Variants in CEPT1 observed in about 807,000 individuals in gnomAD.
The protein encoded by CEPT1 is choline/ethanolamine phosphotransferase 1.
CEPT1 carries 7 observed loss-of-function variants against 42.6 expected under a neutral mutation model. The observed-to-expected ratio is 0.16, with a 90% CI of 0.09 to 0.31. The LOEUF (loss-of-function observed/expected upper bound fraction) is 0.31. CEPT1 is among the 10% of genes least tolerant of loss of function. The pLI is 1.00. For synonymous variants in CEPT1, 171 were observed against 171.9 expected (o/e 0.99, Z 0.04); for missense variants, 306 against 502.1 (o/e 0.61, Z 3.73).
chr1:111,163,375 A>G (rs1489577729), intron 4 of CEPT1, among the ~76,000 whole-genome samples: 1 of 152,228 alleles, frequency 6.6e-6, no homozygotes, highest in East Asian at 1.9e-4. Flanking sequence ...TATGCCTTTA[A>G]TTCCAGCATT....
intron 4 of CEPT1, among the ~76,000 whole-genome samples, chr1:111,174,625 A>G (rs909142616): frequency 8.6e-5 from 13 of 151,750 alleles, no homozygotes; most frequent in Non-Finnish European, 1.8e-4. Context: ...CCCAACTTCA[A>G]TGAGTCAGAA....
chr1:111,147,697 TA>T lies in CEPT1; in HGVS notation c.-9del, dbSNP rs529661950. 155 of 1,525,330 alleles carry T rather than the reference TA, an allele frequency of 1.0e-4. No individual in the cohort carries two copies. The African/African-American group carries it at 1.1e-3, about 10-fold the overall frequency. 94.5% of individuals were successfully genotyped at this position (1,525,330 alleles called of 1,614,324 possible). On this transcript the variant is annotated 5_prime_UTR_variant, in exon 2 of 9. Transcript: ENST00000357172. ...AAGGGAAATTACTGTCTTTAAATAT[TA>T]AAAAAAAACAAGATCCATGAGTGGG...
chr1:111,164,773 G>T (rs573632813), intron 4 of CEPT1, among the ~76,000 whole-genome samples: 4 of 151,586 alleles, frequency 2.6e-5, no homozygotes, highest in Non-Finnish European at 5.9e-5. Context: ...GGTGCGTGCT[G>T]CCACCATGCC....
intron 5 of CEPT1, among the ~76,000 whole-genome samples, chr1:111,177,719 CT>C (rs1656754600): frequency 6.6e-6 from 1 of 151,930 alleles, no homozygotes; most frequent in African/African-American, 2.4e-5. Context: ...TATAAACATC[CT>C]TTTTAAATTA....
chr1:111,165,075 A>C (rs1236486650), intron 4 of CEPT1, among the ~76,000 whole-genome samples: 1 of 99,678 alleles, frequency 1.0e-5, no homozygotes, highest in Non-Finnish European at 1.8e-5. Flanking sequence ...TTTGAGACGG[A>C]GTCTCACTGT....
chr1:111,151,120 TTTTG>T (rs1480905590), intron 2 of CEPT1, among the ~76,000 whole-genome samples: 3 of 147,906 alleles, frequency 2.0e-5, no homozygotes, highest in East Asian at 3.9e-4. Flanking sequence ...GCTTGTTTTT[TTTTG>T]TTTGTTTTTT....
intron 1 of CEPT1, among the ~76,000 whole-genome samples, chr1:111,142,133 T>G (rs1190764024): frequency 6.6e-6 from 1 of 152,186 alleles, no homozygotes; most frequent in Non-Finnish European, 1.5e-5. Context: ...CATATGCCAT[T>G]ATCCTCAGCT....
At chr1:111,165,362 TAAA>T (rs903788600) in intron 4 of CEPT1, among the ~76,000 whole-genome samples, 1 of 145,834 alleles carries the variant, frequency 6.9e-6, no homozygotes, top group South Asian at 2.2e-4. Context: ...ACATCGGTCT[TAAA>T]AAAAAAAAAA....
intron 1 of CEPT1, among the ~76,000 whole-genome samples, chr1:111,147,015 T>G (rs1300871858): frequency 1.3e-5 from 2 of 152,218 alleles, no homozygotes; most frequent in African/African-American, 4.8e-5. Flanking sequence ...CTGTGTTTGT[T>G]TGAATGCTAC....
At chr1:111,180,437 C>A (rs186584346) in intron 5 of CEPT1, 1 of 152,236 alleles carries the variant, frequency 6.6e-6, no homozygotes, top group East Asian at 1.9e-4. Flanking sequence ...TCAAAGCAAC[C>A]ATGGTGTTGA....
chr1:111,175,677 TA>T (rs1656641176), intron 5 of CEPT1, among the ~76,000 whole-genome samples: 1 of 152,206 alleles, frequency 6.6e-6, no homozygotes, highest in Non-Finnish European at 1.5e-5. Context: ...AAAGTTATTT[TA>T]TGCATTAAAG....
At chr1:111,151,151 A>G (rs868782325) in intron 2 of CEPT1, among the ~76,000 whole-genome samples, 68 of 134,046 alleles carry the variant, frequency 5.1e-4, no homozygotes, top group African/African-American at 1.7e-3. Flanking sequence ...TTTGAGACGG[A>G]GTCTCGCTCT....
intron 5 of CEPT1, chr1:111,179,009 C>T (rs1656839307): frequency 6.6e-6 from 1 of 152,162 alleles, no homozygotes; most frequent in Admixed American, 6.5e-5. Context: ...AACAGGCATT[C>T]CCACATTCTT....
intron 1 of CEPT1, among the ~76,000 whole-genome samples, chr1:111,142,187 G>A (rs1028063154): frequency 3.3e-5 from 5 of 151,988 alleles, no homozygotes; most frequent in Non-Finnish European, 7.4e-5. Flanking sequence ...TTTTAGTAAA[G>A]GTATTAATTA....
chr1:111,182,737 C>T, intron 6 of CEPT1, 62 bp from the exon 7 acceptor site: 1 of 1,431,264 alleles, frequency 7.0e-7, no homozygotes, highest in Non-Finnish European at 9.5e-7. Flanking sequence ...TGTTCTGCAG[C>T]AGATCCATGT....
intron 2 of CEPT1, among the ~76,000 whole-genome samples, chr1:111,154,750 A>T (rs548641040): frequency 1.3e-5 from 2 of 152,176 alleles, no homozygotes; most frequent in African/African-American, 4.8e-5. Flanking sequence ...TGATCATAGG[A>T]TCTTAGTTCT....
chr1:111,139,686 CGA>C (rs1217915098), upstream of CEPT1: 2 of 152,326 alleles, frequency 1.3e-5, no homozygotes, highest in South Asian at 2.1e-4. Context: ...GGAAAAGACG[CGA>C]GAGACGGAAC....
At chr1:111,139,969 G>A (rs944199952), upstream of CEPT1, 1 of 152,436 alleles carries the variant, frequency 6.6e-6, no homozygotes, top group African/African-American at 2.4e-5. Context: ...CCCACCCTCT[G>A]ACGCACCCTT....
At position 111,148,065 on chromosome 1, in the gene CEPT1, T is replaced by C; in HGVS notation, c.339+12T>C. 2 of 1,599,138 alleles carry C rather than the reference T, an allele frequency of 1.3e-6. No individual in the cohort carries two copies. The highest frequency in any genetic ancestry group is 8.6e-7 in the Non-Finnish European group (1 of 1,167,320). ...CAGCTACAGAGCAGGTAAGAGTTTC[T>C]TAACAGATCTCAACATTTGCTATAT... On this transcript the variant is annotated intron_variant, in intron 2 of 8. Transcript: ENST00000357172.
Sources: allele counts gnomAD v4.1 joint callset (sites outside exome capture counted in the v4.1 genomes callset), GRCh38; gene constraint gnomAD v4.1.1; transcripts MANE v1.5; gene names NCBI Gene and HGNC (gene_info 2026-07-23, HGNC 2026-07-21).